COL18A1: variants seen among roughly 807,000 people sequenced by gnomAD.
COL18A1 encodes the protein collagen alpha-1(XVIII) chain.
COL18A1 carries 133 observed loss-of-function variants against 168.0 expected under a neutral mutation model. The ratio of observed to expected loss-of-function variants is 0.79; its 90% CI spans 0.69 to 0.91. The LOEUF is 0.91. Ranked by LOEUF, COL18A1 falls within the 40% of genes least tolerant of loss-of-function variation. The pLI, the probability that COL18A1 is intolerant of heterozygous loss-of-function variation, is 0.00. For missense variants in COL18A1, 2,126 were observed against 1,925.4 expected (o/e 1.10, Z -1.95); for synonymous variants, 949 against 809.0 (o/e 1.17, Z -2.94).
chr21:45,479,812 G>T, intron 9 of COL18A1, 90 bp from the exon 10 acceptor site: 1 of 1,564,642 alleles, frequency 6.4e-7, no homozygotes. Flanking sequence ...GCTCCCGTCC[G>T]TCCCCTGCTT....
chr21:45,505,683 G>T (rs1266355903), intron 36 of COL18A1, among the ~76,000 whole-genome samples, 155 bp from the exon 37 acceptor site: 1 of 152,162 alleles, frequency 6.6e-6, no homozygotes, highest in African/African-American at 2.4e-5. Flanking sequence ...GCAGGCAGGG[G>T]TCCCCATGGT....
chr21:45,410,462 G>A (rs1366744988), intron 2 of COL18A1, among the ~76,000 whole-genome samples: 1 of 152,158 alleles, frequency 6.6e-6, no homozygotes, highest in African/African-American at 2.4e-5. Flanking sequence ...GACAGACACT[G>A]GGCCAGAGCC....
intron 37 of COL18A1, chr21:45,507,062 T>TGGGAGGGCTGGGTGCTGGGCA (rs2037250552): frequency 3.0e-6 from 1 of 329,632 alleles, no homozygotes; most frequent in African/African-American, 2.2e-5. Flanking sequence ...AAACGCGTGC[T>TGGGAGGGCTGGGTGCTGGGCA]GGGAGGGCTG....
chr21:45,469,676 C>G (rs1320790650), intron 3 of COL18A1, among the ~76,000 whole-genome samples: 1 of 152,230 alleles, frequency 6.6e-6, no homozygotes, highest in Non-Finnish European at 1.5e-5. Context: ...CTGGCACTGT[C>G]TCACAAGTCC....
chr21:45,496,627 A>T, intron 30 of COL18A1, 59 bp downstream of exon 30: 5 of 848,536 alleles, frequency 5.9e-6, no homozygotes, highest in Non-Finnish European at 8.3e-6. Flanking sequence ...ACAGAGCCCC[A>T]CAGAGGGGCT....
intron 22 of COL18A1, among the ~76,000 whole-genome samples, chr21:45,491,606 C>T (rs994940005): frequency 1.3e-5 from 2 of 151,586 alleles, no homozygotes; most frequent in African/African-American, 4.8e-5. Context: ...GTCCTTGACA[C>T]TGTGGCCCCA....
intron 2 of COL18A1, among the ~76,000 whole-genome samples, chr21:45,461,566 G>A (rs527327999): frequency 6.6e-6 from 1 of 152,082 alleles, no homozygotes; most frequent in African/African-American, 2.4e-5. Context: ...ATGCTGAAGA[G>A]CAGTCTGGAG....
rs1003679514 is a variant in COL18A1 at position 45,449,202 on chromosome 21, C to T, written c.107-19040C>T. ...TTCCCAAGGGTGGGCCCTGGGGCTGCGGTGGAGGTTGCACCAAGCCCGAGG... is the reference window on the plus strand; with the variant it reads ...TTCCCAAGGGTGGGCCCTGGGGCTGTGGTGGAGGTTGCACCAAGCCCGAGG... On this transcript the variant is annotated intron_variant, in intron 2 of 41. Coordinates refer to ENST00000651438, the MANE Select transcript of COL18A1 (RefSeq NM_001379500.1). 5.3e-5 allele frequency among the ~76,000 whole-genome samples: 8 copies of T among 152,312 alleles called. No homozygotes were observed. In the East Asian group the frequency reaches 7.7e-4, roughly 15 times the overall value.
At chr21:45,507,100 G>C (rs547169380) in intron 37 of COL18A1, 1 of 319,200 alleles carries the variant, frequency 3.1e-6, no homozygotes, top group South Asian at 2.7e-5. Context: ...GCAACCTGCC[G>C]TGGACTGGGA....
At chr21:45,450,140 A>G (rs2034589530) in intron 2 of COL18A1, among the ~76,000 whole-genome samples, 1 of 152,148 alleles carries the variant, frequency 6.6e-6, no homozygotes, top group East Asian at 1.9e-4. Context: ...TGGAATCTCC[A>G]GGAGCCTGCC....
intron 34 of COL18A1, among the ~76,000 whole-genome samples, chr21:45,504,799 C>T (rs978248144): frequency 4.6e-5 from 7 of 152,140 alleles, no homozygotes; most frequent in Admixed American, 2.0e-4. Flanking sequence ...GCTGGGGCCA[C>T]GTGCATCCAC....
chr21:45,497,610 C>T lies in COL18A1; in HGVS notation c.2632C>T (p.Pro878Ser), dbSNP rs377290522. 19 of 1,564,088 alleles carry T rather than the reference C, an allele frequency of 1.2e-5. 1 individual carries two copies. In the African/African-American group the frequency reaches 2.2e-4, roughly 18 times the overall value. ...CTCTCTTCCTCCAGGGAATCAGGGCCCTCCAGGACCCAAGGGCGCCAAAGG... is the reference window on the plus strand; with the variant it reads ...CTCTCTTCCTCCAGGGAATCAGGGCTCTCCAGGACCCAAGGGCGCCAAAGG... ...GPPGLPGNQG[P>S]PGPKGAKGEV... is the part of the protein sequence containing the mutation. The change falls in exon 32 of 42, where the codon CCT becomes TCT. Residue 878 changes from proline (P) to serine (S), a missense_variant. Transcript: ENST00000651438.
Position 45,437,824 on chromosome 21 carries a change from ACACT to A in COL18A1, c.107-30415_107-30412del, listed in dbSNP as rs775639180. Among the ~76,000 whole-genome samples the A allele has an allele frequency of 7.3e-5, 5 of 68,064 alleles. 2 individuals are homozygous for A. Among genetic ancestry groups the A allele is most frequent in the African/African-American group, 2.9e-4 (2 of 6,954 alleles). The allele number at this position is 68,064 out of a possible 152,430, so 44.7% of individuals were successfully genotyped here. A position where few individuals can be genotyped will look rare whatever the true frequency, so the allele number is the denominator to read the frequency against. On this transcript the variant is annotated intron_variant, in intron 2 of 41. Coordinates refer to ENST00000651438, the MANE Select transcript of COL18A1 (RefSeq NM_001379500.1). The stretch of plus-strand genomic sequence containing the variant: ...CACAGGCACTCTCCTGCACACACTC[ACACT>A]CAGACAAGCACTCTCCTGCACACAC...
chr21:45,411,759 C>CGGGGGGGGGGG (rs1437966551), intron 2 of COL18A1, among the ~76,000 whole-genome samples: 6 of 7,576 alleles, frequency 7.9e-4, no homozygotes, highest in African/African-American at 2.7e-3. Context: ...GGGCTGATGG[C>CGGGGGGGGGGG]GGGGGGTGGG....
At chr21:45,485,502 G>GA (rs11367202) in intron 15 of COL18A1, among the ~76,000 whole-genome samples, 5 of 151,056 alleles carry the variant, frequency 3.3e-5, no homozygotes, top group Admixed American at 6.6e-5. Flanking sequence ...TGTCCAAAAA[G>GA]AAAAAAAAAT....
intron 15 of COL18A1, among the ~76,000 whole-genome samples, chr21:45,484,444 C>T (rs1040213968): frequency 6.6e-6 from 1 of 150,968 alleles, no homozygotes; most frequent in African/African-American, 2.4e-5. Flanking sequence ...ACACACACCT[C>T]TCCAGCATGT....
chr21:45,453,839 C>T (rs1267831621), intron 2 of COL18A1, among the ~76,000 whole-genome samples: 1 of 152,172 alleles, frequency 6.6e-6, no homozygotes, highest in Non-Finnish European at 1.5e-5. Context: ...GTTCCTTGTG[C>T]CTGGCTCTGC....
intron 32 of COL18A1, among the ~76,000 whole-genome samples, chr21:45,501,947 T>C (rs11700481): frequency 0.014 from 532 of 38,308 alleles, 30 homozygotes; most frequent in African/African-American, 0.028. Context: ...AGAAGGACCC[T>C]CAGGGGCCTC....
chr21:45,490,413 G>C, intron 20 of COL18A1, 67 bp downstream of exon 20: 1 of 1,352,160 alleles, frequency 7.4e-7, no homozygotes, highest in Non-Finnish European at 1.0e-6. Context: ...ATGCTAAGAT[G>C]AAAGCTGGCA....
Sources: gnomAD v4.1 joint callset for allele counts (sites outside exome capture counted in the v4.1 genomes callset) on GRCh38, gnomAD v4.1.1 for gene constraint, MANE v1.5 for transcripts, NCBI Gene and HGNC (gene_info 2026-07-23, HGNC 2026-07-21) for gene names.